Variants in COL5A2 observed in about 807,000 individuals in gnomAD.
The protein encoded by COL5A2 is collagen type V alpha 2 chain.
Under a neutral mutation model 208.2 loss-of-function variants are expected in COL5A2, and 23 were observed. The observed-to-expected ratio is 0.11, with a 90% CI of 0.08 to 0.16. COL5A2 has a LOEUF of 0.16. COL5A2 is among the 10% of genes least tolerant of loss of function. The pLI is 1.00. For missense variants in COL5A2, 1,590 were observed against 1,956.4 expected (o/e 0.81, Z 3.53); for synonymous variants, 625 against 628.5 (o/e 0.99, Z 0.08).
chr2:189,245,969 T>G, the COL5A2 span, among the ~76,000 whole-genome samples: 1 of 152,182 alleles, frequency 6.6e-6, no homozygotes, highest in Non-Finnish European at 1.5e-5. Flanking sequence ...AAGCACTCAG[T>G]TTAATGATAA....
the COL5A2 span, among the ~76,000 whole-genome samples, chr2:189,243,446 T>C: frequency 4.3e-4 from 65 of 152,228 alleles, no homozygotes; most frequent in Non-Finnish European, 6.5e-4. Flanking sequence ...AGGAAGAAGA[T>C]AGAGAGCTTG....
At chr2:189,149,121 C>A (rs1192546413) in intron 1 of COL5A2, among the ~76,000 whole-genome samples, 1 of 152,096 alleles carries the variant, frequency 6.6e-6, no homozygotes, top group Non-Finnish European at 1.5e-5. Context: ...ACTTGGGCGA[C>A]AGAATAAGAC....
At chr2:189,291,690 C>A in the COL5A2 span, among the ~76,000 whole-genome samples, 2 of 151,984 alleles carry the variant, frequency 1.3e-5, no homozygotes, top group African/African-American at 4.8e-5. Flanking sequence ...TAGGCAAGAT[C>A]ATTTCTCGTC....
chr2:189,371,276 A>G, the COL5A2 span, among the ~76,000 whole-genome samples: 1 of 152,182 alleles, frequency 6.6e-6, no homozygotes, highest in Non-Finnish European at 1.5e-5. Flanking sequence ...CCCGTCAGGT[A>G]TTCCTTTGTA....
intron 1 of COL5A2, among the ~76,000 whole-genome samples, chr2:189,151,241 A>G (rs987708977): frequency 1.3e-5 from 2 of 152,196 alleles, no homozygotes; most frequent in East Asian, 3.8e-4. Flanking sequence ...AAAATAGAAT[A>G]AACACATTCT....
chr2:189,379,957 T>A, the COL5A2 span, among the ~76,000 whole-genome samples: 1 of 152,174 alleles, frequency 6.6e-6, no homozygotes, highest in African/African-American at 2.4e-5. Context: ...AGTCATTTAT[T>A]TAACCAGACT....
At chr2:189,044,113 G>C (rs1432514597) in intron 47 of COL5A2, among the ~76,000 whole-genome samples, 1 of 152,104 alleles carries the variant, frequency 6.6e-6, no homozygotes, top group Non-Finnish European at 1.5e-5. Context: ...TATAGAACCG[G>C]ATTCTGTTGC....
At chr2:189,401,090 T>C in the COL5A2 span, among the ~76,000 whole-genome samples, 1 of 152,168 alleles carries the variant, frequency 6.6e-6, no homozygotes, top group Non-Finnish European at 1.5e-5. Context: ...CAAGGGTACA[T>C]GTGCAGGTTT....
the COL5A2 span, among the ~76,000 whole-genome samples, chr2:189,232,328 G>A: frequency 1.3e-5 from 2 of 151,556 alleles, no homozygotes; most frequent in African/African-American, 4.8e-5. Context: ...AACGTAATAG[G>A]CCATTTCTTC....
chr2:189,416,273 G>A, the COL5A2 span, among the ~76,000 whole-genome samples: 1 of 152,162 alleles, frequency 6.6e-6, no homozygotes, highest in Non-Finnish European at 1.5e-5. Flanking sequence ...TATGTTTATT[G>A]CGGCACTATT....
chr2:189,234,766 C>T, the COL5A2 span, among the ~76,000 whole-genome samples: 2 of 151,640 alleles, frequency 1.3e-5, no homozygotes, highest in Non-Finnish European at 2.9e-5. Flanking sequence ...TCTCATTGTT[C>T]TTATCTGTAA....
the COL5A2 span, among the ~76,000 whole-genome samples, chr2:189,352,664 G>C: frequency 6.6e-5 from 10 of 152,112 alleles, no homozygotes; most frequent in Admixed American, 3.9e-4. Context: ...TTGTAAATGT[G>C]TTTAAGTTCT....
the COL5A2 span, among the ~76,000 whole-genome samples, chr2:189,310,329 A>C: frequency 1.3e-5 from 2 of 152,240 alleles, no homozygotes; most frequent in Admixed American, 1.3e-4. Context: ...GCTCAACACC[A>C]CTGATCATCA....
At chr2:189,415,346 C>T in the COL5A2 span, among the ~76,000 whole-genome samples, 5 of 152,026 alleles carry the variant, frequency 3.3e-5, no homozygotes, top group East Asian at 7.7e-4. Flanking sequence ...TTTCTTGAAC[C>T]GTGGTCAGTA....
At chr2:189,349,232 A>G in the COL5A2 span, among the ~76,000 whole-genome samples, 2 of 152,186 alleles carry the variant, frequency 1.3e-5, no homozygotes, top group African/African-American at 4.8e-5. Flanking sequence ...GCTGGCCTAC[A>G]TAAACATAAA....
intron 18 of COL5A2, among the ~76,000 whole-genome samples, chr2:189,070,316 T>C (rs931075231): frequency 6.6e-6 from 1 of 152,162 alleles, no homozygotes; most frequent in African/African-American, 2.4e-5. Flanking sequence ...CAGTAAAGCA[T>C]ATTGAATCTC....
At chr2:189,366,834 C>T in the COL5A2 span, among the ~76,000 whole-genome samples, 1 of 152,188 alleles carries the variant, frequency 6.6e-6, no homozygotes, top group African/African-American at 2.4e-5. Flanking sequence ...ATCAGCTCTT[C>T]TGGAGGTTTG....
the COL5A2 span, among the ~76,000 whole-genome samples, chr2:189,333,640 G>A: frequency 1.3e-5 from 2 of 151,984 alleles, no homozygotes; most frequent in African/African-American, 4.8e-5. Flanking sequence ...TTAGTATGAT[G>A]CCATTAAGTT....
At chr2:189,089,790 T>C (rs1576519479) in intron 7 of COL5A2, among the ~76,000 whole-genome samples, 1 of 152,188 alleles carries the variant, frequency 6.6e-6, no homozygotes, top group Admixed American at 6.5e-5. Context: ...GTTACTAAAG[T>C]AGTTGTTTTA....
Sources: allele counts gnomAD v4.1 joint callset (sites outside exome capture counted in the v4.1 genomes callset), GRCh38; gene constraint gnomAD v4.1.1; transcripts MANE v1.5; gene names NCBI Gene and HGNC (gene_info 2026-07-23, HGNC 2026-07-21).